Variants in ACTN4 observed in about 807,000 individuals in gnomAD.
The protein encoded by ACTN4 is alpha-actinin-4.
ACTN4 carries 18 observed loss-of-function variants against 114.2 expected under a neutral mutation model. That is an observed-to-expected ratio of 0.16 (90% CI 0.11 to 0.23). The LOEUF (loss-of-function observed/expected upper bound fraction) is 0.23, where lower values mean the gene tolerates loss of function less well. ACTN4 is among the 10% of genes least tolerant of loss of function. The pLI is 1.00. For missense variants in ACTN4, 722 were observed against 1,262.9 expected (o/e 0.57, Z 6.49); for synonymous variants, 515 against 506.3 (o/e 1.02, Z -0.23).
chr19:38,715,882 T>A (rs963311206), intron 9 of ACTN4, among the ~76,000 whole-genome samples: 1 of 152,202 alleles, frequency 6.6e-6, no homozygotes, highest in African/African-American at 2.4e-5. Flanking sequence ...GGCAGATAAC[T>A]GATTTTGTAC....
At chr19:38,707,433 A>G (rs910774295) in intron 5 of ACTN4, among the ~76,000 whole-genome samples, 2 of 152,090 alleles carry the variant, frequency 1.3e-5, no homozygotes, top group African/African-American at 4.8e-5. Context: ...TCAGATGAAG[A>G]AAGTTCCCTG....
At chr19:38,666,604 C>T (rs1966969837) in intron 1 of ACTN4, among the ~76,000 whole-genome samples, 1 of 152,252 alleles carries the variant, frequency 6.6e-6, no homozygotes, top group African/African-American at 2.4e-5. Flanking sequence ...GAGACACCTC[C>T]CCGCCATCAC....
chr19:38,693,921 C>G (rs954022192), intron 1 of ACTN4, among the ~76,000 whole-genome samples: 1 of 152,238 alleles, frequency 6.6e-6, no homozygotes, highest in Non-Finnish European at 1.5e-5. Flanking sequence ...TTGCCTTTCT[C>G]TGTTCTTCCA....
chr19:38,648,071 C>A (rs1260294780), intron 1 of ACTN4, 164 bp downstream of exon 1: 6 of 776,720 alleles, frequency 7.7e-6, no homozygotes, highest in South Asian at 3.0e-5. Context: ...GAGGAGGAAT[C>A]GCCGAGCTAG....
Position 38,727,002 on chromosome 19 carries a change from A to G in ACTN4, c.2236A>G (p.Thr746Ala). Residue 746 changes from threonine (T) to alanine (A), a missense_variant, in exon 18 of 21, where the codon ACC (threonine) becomes GCC (alanine). By Grantham distance (58) the Thr-to-Ala change is moderately conservative (BLOSUM62 0). Transcript: ENST00000252699. The surrounding 1 kb of genome is among the most constrained non-coding windows in gnomAD (Gnocchi z 5.4). ...GCAGCTGCTCACCACCATTGCCCGCACCATCAACGAGGTGGAGAACCAGAT... is the reference window on the plus strand; with the variant it reads ...GCAGCTGCTCACCACCATTGCCCGCGCCATCAACGAGGTGGAGAACCAGAT... ...WEQLLTTIAR[T>A]INEVENQILT... The G allele has an allele frequency of 6.2e-7, 1 of 1,614,072 alleles. No homozygotes were observed. The highest frequency in any genetic ancestry group is 8.5e-7 in the Non-Finnish European group (1 of 1,180,008).
chr19:38,660,501 T>C (rs917443355), intron 1 of ACTN4, among the ~76,000 whole-genome samples: 1 of 151,882 alleles, frequency 6.6e-6, no homozygotes, highest in Non-Finnish European at 1.5e-5. Flanking sequence ...GTTCAAGCAA[T>C]TCTCCTGCCT....
At chr19:38,692,577 G>A (rs997185604) in intron 1 of ACTN4, among the ~76,000 whole-genome samples, 1 of 152,050 alleles carries the variant, frequency 6.6e-6, no homozygotes, top group African/African-American at 2.4e-5. Flanking sequence ...AGGCTTAGCC[G>A]TCTGGCCCTG....
chr19:38,692,474 C>T (rs1434456329), intron 1 of ACTN4, among the ~76,000 whole-genome samples: 2 of 152,258 alleles, frequency 1.3e-5, no homozygotes, highest in Non-Finnish European at 2.9e-5. Flanking sequence ...TCAAAAAGTG[C>T]TCAGGTGTGC....
intron 1 of ACTN4, among the ~76,000 whole-genome samples, chr19:38,658,947 C>T (rs1056231535): frequency 2.0e-5 from 3 of 152,032 alleles, no homozygotes; most frequent in Non-Finnish European, 2.9e-5. Flanking sequence ...TCACCCGACA[C>T]TGTGTCTCAT....
At chr19:38,689,671 AT>A (rs199609562) in intron 1 of ACTN4, among the ~76,000 whole-genome samples, 33 of 143,496 alleles carry the variant, frequency 2.3e-4, no homozygotes, top group East Asian at 6.0e-4. Flanking sequence ...TTAATTTTTA[AT>A]TTTTTTTTTC....
chr19:38,731,349 C>G lies in ACTN4; in HGVS notation c.*1917C>G, dbSNP rs111915924. The G allele has an allele frequency of 3.1e-5, 22 of 720,210 alleles. No homozygotes were observed. The highest frequency in any genetic ancestry group is 1.3e-4 in the South Asian group (8 of 63,592). The allele number at this position is 720,210 out of a possible 1,614,324, so 44.6% of individuals were successfully genotyped here. The stretch of plus-strand genomic sequence containing the variant: ...TGTCACACCCCAACTCTGCCCCATC[C>G]CGGCAGGGTGAGTACAGGCTGATCC... On this transcript the variant is annotated 3_prime_UTR_variant, in exon 21 of 21. Coordinates refer to ENST00000252699, the MANE Select transcript of ACTN4 (RefSeq NM_004924.6).
chr19:38,710,548 G>A (rs1338360073), intron 8 of ACTN4, among the ~76,000 whole-genome samples: 2 of 152,220 alleles, frequency 1.3e-5, no homozygotes, highest in Non-Finnish European at 2.9e-5. Context: ...GGCTTTTCCA[G>A]GCATTGAGGA....
chr19:38,728,034 A>G lies in ACTN4; in HGVS notation c.2418+8A>G, dbSNP rs757887688. The G allele has an allele frequency of 6.2e-7, 1 of 1,606,704 alleles. No individual in the cohort carries two copies. Among genetic ancestry groups the G allele is most frequent in the South Asian group, 1.1e-5 (1 of 90,054 alleles). On this transcript the variant is annotated splice_region_variant and intron_variant, in intron 19 of 20. Coordinates refer to ENST00000252699, the MANE Select transcript of ACTN4 (RefSeq NM_004924.6). ...GTGGAGAACGACCGGCAGGTACTGCACCCTGGGCCCCAGCGGACCATGGCA... is the reference window on the plus strand; with the variant it reads ...GTGGAGAACGACCGGCAGGTACTGCGCCCTGGGCCCCAGCGGACCATGGCA...
chr19:38,726,282 T>TGG (rs1969230042), intron 17 of ACTN4, among the ~76,000 whole-genome samples: 1 of 147,374 alleles, frequency 6.8e-6, no homozygotes, highest in Admixed American at 6.7e-5. Context: ...AGCCAGACTC[T>TGG]GTCTCAAAAA....
chr19:38,650,505 G>A (rs1033793152), intron 1 of ACTN4, among the ~76,000 whole-genome samples: 3 of 152,184 alleles, frequency 2.0e-5, no homozygotes, highest in Non-Finnish European at 4.4e-5. Context: ...ATCTGCTTTC[G>A]TGTCTCAGCC....
chr19:38,668,233 A>G (rs1388807344), intron 1 of ACTN4, among the ~76,000 whole-genome samples: 1 of 152,178 alleles, frequency 6.6e-6, no homozygotes, highest in African/African-American at 2.4e-5. Context: ...GGAAGTTTGA[A>G]GATTAAACAG....
chr19:38,693,526 C>T (rs56113315), intron 1 of ACTN4: 55,401 of 152,142 alleles, frequency 0.36, 11,657 homozygotes, highest in Non-Finnish European at 0.47. Flanking sequence ...TGGAACCACT[C>T]GGTTGCCCTG....
intron 1 of ACTN4, among the ~76,000 whole-genome samples, chr19:38,657,075 A>T (rs991096703): frequency 3.9e-5 from 6 of 152,086 alleles, no homozygotes; most frequent in Admixed American, 6.6e-5. Context: ...TCTTGGGCTC[A>T]AGGGATCTTT....
At chr19:38,698,331 A>C (rs1448979427) in intron 1 of ACTN4, among the ~76,000 whole-genome samples, 2 of 152,270 alleles carry the variant, frequency 1.3e-5, no homozygotes, top group South Asian at 4.2e-4. Context: ...ACGTGCCCAC[A>C]TGAGTGGTGT....
Sources: gnomAD v4.1 joint callset for allele counts (sites outside exome capture counted in the v4.1 genomes callset) on GRCh38, gnomAD v4.1.1 for gene constraint, Gnocchi (gnomAD v3.1) non-coding constraint, MANE v1.5 for transcripts, NCBI Gene and HGNC (gene_info 2026-07-23, HGNC 2026-07-21) for gene names.